The following FOXN3 variants were observed in gnomAD, a reference collection of about 807,000 sequenced individuals.
The protein encoded by FOXN3 is forkhead box protein N3.
Under a neutral mutation model 38.4 loss-of-function variants are expected in FOXN3, and 7 were observed. The ratio of observed to expected loss-of-function variants is 0.18; its 90% CI spans 0.10 to 0.34. The LOEUF is 0.34. FOXN3 is among the 10% of genes least tolerant of loss of function. The pLI is 1.00. For synonymous variants in FOXN3, 230 were observed against 242.2 expected (o/e 0.95, Z 0.47); for missense variants, 456 against 613.4 (o/e 0.74, Z 2.71).
chr14:89,494,474 G>C lies in FOXN3; in HGVS notation c.-14-81984C>G, dbSNP rs374948943. 2.0e-5 allele frequency among the ~76,000 whole-genome samples: 3 copies of C among 152,286 alleles called. No individual in the cohort carries two copies. In the East Asian group the frequency reaches 5.8e-4, roughly 29 times the overall value. ...GCCGGCTGGGCTGTCTGCTTAAGGT[G>C]GTGCAGCTCTGCAATGGATCCTTTC... On this transcript the variant is annotated intron_variant, in intron 1 of 6. Coordinates refer to the FOXN3 transcript ENST00000345097.
chr14:89,303,735 A>G (rs1887292152), intron 3 of FOXN3, among the ~76,000 whole-genome samples: 1 of 152,242 alleles, frequency 6.6e-6, no homozygotes, highest in African/African-American at 2.4e-5. Flanking sequence ...CTGAAGAAAC[A>G]ATACAAACAC....
At chr14:89,543,758 G>A (rs964713083) in intron 1 of FOXN3, among the ~76,000 whole-genome samples, 2 of 152,202 alleles carry the variant, frequency 1.3e-5, no homozygotes, top group African/African-American at 4.8e-5. Context: ...ATCAGAGAGA[G>A]ACAGAAAATA....
chr14:89,545,790 A>G (rs1441678066), intron 1 of FOXN3, among the ~76,000 whole-genome samples: 1 of 152,160 alleles, frequency 6.6e-6, no homozygotes, highest in Non-Finnish European at 1.5e-5. Context: ...GCTACTCTCA[A>G]GTCCAACACT....
At chr14:89,232,350 T>A (rs890615286) in intron 4 of FOXN3, among the ~76,000 whole-genome samples, 1 of 152,194 alleles carries the variant, frequency 6.6e-6, no homozygotes, top group Non-Finnish European at 1.5e-5. Context: ...TGATGACCAA[T>A]AGACCCCGAG....
At chr14:89,610,970 T>C (rs1433689085) in intron 1 of FOXN3, among the ~76,000 whole-genome samples, 1 of 152,236 alleles carries the variant, frequency 6.6e-6, no homozygotes, top group Non-Finnish European at 1.5e-5. Flanking sequence ...CTGAACTCTT[T>C]AAGAGAATTA....
intron 1 of FOXN3, among the ~76,000 whole-genome samples, chr14:89,478,027 G>A (rs933746102): frequency 1.3e-5 from 2 of 152,118 alleles, no homozygotes; most frequent in African/African-American, 4.8e-5. Flanking sequence ...AAATGTAATC[G>A]CCAATGTTGG....
chr14:89,568,957 C>G (rs979112744), intron 1 of FOXN3, among the ~76,000 whole-genome samples: 1 of 152,244 alleles, frequency 6.6e-6, no homozygotes, highest in Non-Finnish European at 1.5e-5. Context: ...GTAATCCCAG[C>G]ACTTTGGGAG....
intron 4 of FOXN3, among the ~76,000 whole-genome samples, chr14:89,210,953 T>C (rs1051267313): frequency 2.0e-5 from 3 of 152,212 alleles, no homozygotes; most frequent in Admixed American, 2.0e-4. Context: ...TTTACATTTC[T>C]CCACTCTCTG....
At chr14:89,555,442 T>A (rs1242759870) in intron 1 of FOXN3, among the ~76,000 whole-genome samples, 1 of 152,230 alleles carries the variant, frequency 6.6e-6, no homozygotes, top group Non-Finnish European at 1.5e-5. Context: ...TCAACTTCAC[T>A]AATTGAACAG....
At chr14:89,447,058 T>C (rs1453395263) in intron 1 of FOXN3, among the ~76,000 whole-genome samples, 3 of 152,036 alleles carry the variant, frequency 2.0e-5, no homozygotes, top group African/African-American at 7.2e-5. Flanking sequence ...TAGCCGGGTG[T>C]GGTGGCATGC....
At chr14:89,510,320 G>C (rs534948776) in intron 1 of FOXN3, among the ~76,000 whole-genome samples, 120 of 152,322 alleles carry the variant, frequency 7.9e-4, no homozygotes, top group African/African-American at 2.8e-3. Context: ...TTTGAGAACA[G>C]CTTCAGTTCC....
At chr14:89,556,704 G>A (rs1402328816) in intron 1 of FOXN3, among the ~76,000 whole-genome samples, 9 of 152,178 alleles carry the variant, frequency 5.9e-5, no homozygotes, top group African/African-American at 1.7e-4. Flanking sequence ...GGCCTGCCAC[G>A]TTTTGGCTAC....
chr14:89,570,929 G>C (rs1895476466), intron 1 of FOXN3, among the ~76,000 whole-genome samples: 5 of 152,110 alleles, frequency 3.3e-5, no homozygotes, highest in Admixed American at 3.3e-4. Context: ...GCAAATAAAA[G>C]TAACCATTTC....
intron 1 of FOXN3, among the ~76,000 whole-genome samples, chr14:89,455,751 C>T (rs1011027727): frequency 6.6e-6 from 1 of 152,134 alleles, no homozygotes; most frequent in Non-Finnish European, 1.5e-5. Context: ...GCAACCTGCT[C>T]CCAAGTCAGT....
chr14:89,502,059 G>A (rs763603477), intron 1 of FOXN3, among the ~76,000 whole-genome samples: 21 of 151,186 alleles, frequency 1.4e-4, no homozygotes, highest in Non-Finnish European at 2.5e-4. Context: ...TCCCAGCTAC[G>A]CGGGAGGCCT....
chr14:89,284,342 G>A (rs1886550971), intron 3 of FOXN3: 1 of 401,562 alleles, frequency 2.5e-6, no homozygotes, highest in Non-Finnish European at 5.0e-6. Flanking sequence ...ACAGACAGAG[G>A]TCCTGAGAGG....
At chr14:89,184,677 C>T (rs1596086444) in intron 4 of FOXN3, among the ~76,000 whole-genome samples, 2 of 152,358 alleles carry the variant, frequency 1.3e-5, no homozygotes, top group Middle Eastern at 6.8e-3. Context: ...CTTCCTGGGT[C>T]TCCATTTCCT....
chr14:89,497,080 G>A lies in FOXN3; in HGVS notation c.-14-84590C>T, dbSNP rs760377327. 8.6e-5 allele frequency among the ~76,000 whole-genome samples: 13 copies of A among 151,590 alleles called. 1 individual carries two copies. The highest frequency in any genetic ancestry group is 2.1e-4 in the South Asian group (1 of 4,788). ...AGTGATTCTCCTGCCTCAGTCTCCC[G>A]AGTAGCTGGGATTACAGGCGCCCAC... On this transcript the variant is annotated intron_variant, in intron 1 of 6. Coordinates refer to the FOXN3 transcript ENST00000345097.
intron 1 of FOXN3, among the ~76,000 whole-genome samples, chr14:89,587,574 G>A (rs1424779036): frequency 2.0e-5 from 3 of 152,106 alleles, no homozygotes; most frequent in Non-Finnish European, 4.4e-5. Context: ...GGGGAAAAAA[G>A]CTCAGGCATC....
Sources: gnomAD v4.1 joint callset for allele counts (sites outside exome capture counted in the v4.1 genomes callset) on GRCh38, gnomAD v4.1.1 for gene constraint, MANE v1.5 for transcripts, NCBI Gene and HGNC (gene_info 2026-07-23, HGNC 2026-07-21) for gene names.